INPP4B: variants seen among roughly 807,000 people sequenced by gnomAD.
INPP4B encodes the protein inositol polyphosphate-4-phosphatase type II B, also known as inositol polyphosphate 4-phosphatase type II.
A neutral mutation model predicts 122.5 loss-of-function variants in INPP4B; 55 were observed. The ratio of observed to expected loss-of-function variants is 0.45; its 90% confidence interval spans 0.36 to 0.56. The LOEUF (loss-of-function observed/expected upper bound fraction) is 0.56. Ranked by LOEUF, INPP4B falls within the 20% of genes least tolerant of loss-of-function variation. The probability of loss-of-function intolerance (pLI) is 0.00; values close to 1 mark genes in which losing one functional copy is unlikely to be tolerated. For missense variants in INPP4B, 1,000 were observed against 1,097.7 expected (o/e 0.91, Z 1.26); for synonymous variants, 403 against 388.7 (o/e 1.04, Z -0.43).
intron 25 of INPP4B, among the ~76,000 whole-genome samples, chr4:142,071,820 TA>T (rs1314659859): frequency 5.3e-5 from 8 of 152,142 alleles, no homozygotes; most frequent in Non-Finnish European, 7.4e-5. Flanking sequence ...TGGCAATCAT[TA>T]AAAAGTAAGG....
intron 2 of INPP4B, among the ~76,000 whole-genome samples, chr4:142,639,501 T>G (rs1749910289): frequency 6.6e-6 from 1 of 152,190 alleles, no homozygotes; most frequent in South Asian, 2.1e-4. Context: ...TCATCTAGGT[T>G]ATCACATTTT....
chr4:142,628,066 T>C (rs865822470), intron 2 of INPP4B, among the ~76,000 whole-genome samples: 1 of 152,036 alleles, frequency 6.6e-6, no homozygotes, highest in African/African-American at 2.4e-5. Flanking sequence ...ACTGGGTATA[T>C]ACCCAAAGGA....
intron 2 of INPP4B, among the ~76,000 whole-genome samples, chr4:142,569,058 T>C (rs763530656): frequency 6.6e-5 from 10 of 152,174 alleles, no homozygotes; most frequent in Admixed American, 1.3e-4. Flanking sequence ...ATATACTATG[T>C]AAATTTTTAG....
intron 25 of INPP4B, chr4:142,030,442 A>G (rs1442320557): frequency 1.4e-6 from 1 of 722,950 alleles, no homozygotes; most frequent in African/African-American, 1.8e-5. Flanking sequence ...CTTATGGTAA[A>G]TTTCCCCAAA....
chr4:142,518,318 G>A (rs972893121), intron 2 of INPP4B, among the ~76,000 whole-genome samples: 2 of 152,068 alleles, frequency 1.3e-5, no homozygotes, highest in Non-Finnish European at 2.9e-5. Flanking sequence ...CTGATTGACA[G>A]TTATTGGCAT....
In INPP4B at chr4:142,840,395, GT is replaced by G. The variant is rs1235405087; in HGVS notation, c.-254+5813del. ...AATATCTATTTTAGAATAATCATAA[GT>G]TTTTTTCTATCATGTTCATTTAATT... On this transcript the variant is annotated intron_variant, in intron 1 of 25. Coordinates refer to ENST00000262992, the MANE Select transcript of INPP4B (RefSeq NM_001101669.3). Among the ~76,000 whole-genome samples the G allele has an allele frequency of 3.3e-5, 5 of 152,026 alleles. No individual in the cohort carries two copies. The East Asian group carries it at 5.8e-4, about 18-fold the overall frequency.
intron 1 of INPP4B, among the ~76,000 whole-genome samples, chr4:142,758,855 C>T (rs942617832): frequency 2.0e-5 from 3 of 150,914 alleles, no homozygotes; most frequent in African/African-American, 4.9e-5. Flanking sequence ...CGGGAGGCTG[C>T]GGCACGAGAC....
intron 12 of INPP4B, among the ~76,000 whole-genome samples, chr4:142,227,732 C>T (rs1347140249): frequency 6.6e-6 from 1 of 151,090 alleles, no homozygotes; most frequent in Admixed American, 6.6e-5. Flanking sequence ...GTGGTGGGCA[C>T]CTGTAATCCC....
intron 21 of INPP4B, among the ~76,000 whole-genome samples, chr4:142,119,966 C>A (rs546521626): frequency 2.0e-5 from 3 of 151,496 alleles, no homozygotes; most frequent in Non-Finnish European, 4.4e-5. Context: ...TCTGAGTTTT[C>A]TTCTAGAAGT....
chr4:142,267,548 T>C (rs1033346761), intron 10 of INPP4B, among the ~76,000 whole-genome samples: 1 of 152,154 alleles, frequency 6.6e-6, no homozygotes, highest in African/African-American at 2.4e-5. Context: ...TCTCATGCCA[T>C]GCTCATGCAC....
intron 2 of INPP4B, among the ~76,000 whole-genome samples, chr4:142,682,011 C>A (rs577685991): frequency 6.6e-6 from 1 of 151,764 alleles, no homozygotes; most frequent in Non-Finnish European, 1.5e-5. Flanking sequence ...TTAATGTACA[C>A]CTTTGGGATG....
At chr4:142,306,238 T>G (rs1763317699) in intron 8 of INPP4B, among the ~76,000 whole-genome samples, 1 of 151,784 alleles carries the variant, frequency 6.6e-6, no homozygotes, top group African/African-American at 2.4e-5. Context: ...TGTTTTTTTT[T>G]TTTTTTTTCT....
chr4:142,398,442 ATAT>A (rs1388144771), intron 7 of INPP4B, among the ~76,000 whole-genome samples: 78 of 97,390 alleles, frequency 8.0e-4, no homozygotes, highest in Admixed American at 2.0e-3. Flanking sequence ...ATATATATAT[ATAT>A]AAAACATATT....
At chr4:142,382,512 A>C (rs1794477879) in intron 7 of INPP4B, among the ~76,000 whole-genome samples, 1 of 149,040 alleles carries the variant, frequency 6.7e-6, no homozygotes, top group Non-Finnish European at 1.5e-5. Flanking sequence ...GTTTCAAAAA[A>C]AACAAAAAAC....
intron 1 of INPP4B, among the ~76,000 whole-genome samples, chr4:142,842,849 AAT>A (rs1783713244): frequency 7.3e-6 from 1 of 136,948 alleles, no homozygotes; most frequent in Non-Finnish European, 1.5e-5. Flanking sequence ...TATATATCAA[AAT>A]ATATATAAAT....
chr4:142,693,001 G>T (rs898561924), intron 2 of INPP4B, among the ~76,000 whole-genome samples: 1 of 147,994 alleles, frequency 6.8e-6, no homozygotes, highest in African/African-American at 2.5e-5. Flanking sequence ...CTAACAACTT[G>T]ATGCCTTAAA....
At chr4:142,328,256 A>T (rs1773192175) in intron 7 of INPP4B, among the ~76,000 whole-genome samples, 2 of 152,216 alleles carry the variant, frequency 1.3e-5, no homozygotes, top group Non-Finnish European at 1.5e-5. Context: ...GATTGACAAA[A>T]TTAAGAACAA....
At position 142,797,979 on chromosome 4, in the gene INPP4B, A is replaced by T. The variant is rs1416215295; in HGVS notation, c.-254+48230T>A. 2.0e-5 allele frequency among the ~76,000 whole-genome samples: 3 copies of T among 151,954 alleles called. No individual in the cohort carries two copies. The East Asian group carries it at 5.8e-4, about 29-fold the overall frequency. ...AGTAAGCCAGAATAAAGTGAAAAGA[A>T]ATATCACTTATGCAGAAAGCCTAAA... On this transcript the variant is annotated intron_variant, in intron 1 of 25. Coordinates refer to ENST00000262992, the MANE Select transcript of INPP4B (RefSeq NM_001101669.3).
At chr4:142,084,037 C>A (rs2152537378) in intron 24 of INPP4B, among the ~76,000 whole-genome samples, 1 of 152,270 alleles carries the variant, frequency 6.6e-6, no homozygotes, top group African/African-American at 2.4e-5. Context: ...ATTGACTTAA[C>A]ACACTTGATT....
Sources: gnomAD v4.1 joint callset for allele counts (sites outside exome capture counted in the v4.1 genomes callset) on GRCh38, gnomAD v4.1.1 for gene constraint, MANE v1.5 for transcripts, NCBI Gene and HGNC (gene_info 2026-07-23, HGNC 2026-07-21) for gene names.